The following TSBP1 variants were observed in gnomAD, a reference collection of about 807,000 sequenced individuals.
TSBP1 encodes the protein testis-expressed basic protein 1.
TSBP1 carries 56 observed loss-of-function variants against 68.8 expected under a neutral mutation model. The ratio of observed to expected loss-of-function variants is 0.81; its 90% CI spans 0.66 to 1.02. The LOEUF is 1.02. TSBP1 is among the 50% of genes least tolerant of loss of function. The pLI is 0.00. For synonymous variants in TSBP1, 171 were observed against 208.7 expected (o/e 0.82, Z 1.56); for missense variants, 502 against 641.2 (o/e 0.78, Z 2.34).
Position 32,306,552 on chromosome 6 carries a change from C to G in TSBP1, c.581-3923G>C, listed in dbSNP as rs1765799362. On this transcript the variant is annotated intron_variant, in intron 19 of 22. Transcript: ENST00000612031. This position sits in a 1 kb window ranked among gnomAD's most constrained non-coding sequence, Gnocchi z 5.1. ...GCTTTTCAGCTGCAAGCAGCCAAAC[C>G]TGGGTTTGGTTACTTACATTTATGT... is the stretch of plus-strand genomic sequence containing the variant. Among the ~76,000 whole-genome samples the G allele has an allele frequency of 6.6e-6, 1 of 152,190 alleles. No individual in the cohort carries two copies. The highest frequency in any genetic ancestry group is 1.5e-5 in the Non-Finnish European group (1 of 68,036).
rs779544693 is a variant in TSBP1 at position 32,323,108 on chromosome 6, T to C, written c.559+9A>G. ...AGAACCAAAGAAGAAAAAGAGATGT[T>C]ATACTTACTTATGGGTGCCATGGGT... On this transcript the variant is annotated intron_variant, in intron 18 of 22. Transcript: ENST00000612031. 1.9e-6 allele frequency: 3 copies of C among 1,571,246 alleles called. No homozygotes were observed. The highest frequency in any genetic ancestry group is 1.1e-5 in the South Asian group (1 of 88,728).
In TSBP1 at chr6:32,302,099, G is replaced by A. The variant is rs1765362183; in HGVS notation, c.601+510C>T. ...ATTCTTTTATATATTGTCTATGACT[G>A]TTTTTGTGCTACAACAGCAGGGTTG... On this transcript the variant is annotated intron_variant, in intron 20 of 22. Transcript: ENST00000612031. This position sits in a 1 kb window ranked among gnomAD's most constrained non-coding sequence, Gnocchi z 5.1. Among the ~76,000 whole-genome samples the A allele has an allele frequency of 2.0e-5, 3 of 151,926 alleles. No homozygotes were observed. The highest frequency in any genetic ancestry group is 4.4e-5 in the Non-Finnish European group (3 of 67,978).
chr6:32,297,929 A>G (rs1041821480), intron 22 of TSBP1, among the ~76,000 whole-genome samples: 2 of 152,130 alleles, frequency 1.3e-5, no homozygotes, highest in Admixed American at 6.5e-5. Context: ...ATCAATTGGG[A>G]AAAATGTGTT....
chr6:32,330,711 C>T, intron 15 of TSBP1, 102 bp from the exon 17 acceptor site: 1 of 1,375,370 alleles, frequency 7.3e-7, no homozygotes. Flanking sequence ...CACTCTGTCG[C>T]CCAGGCTGGA....
chr6:32,336,728 C>T lies in TSBP1; in HGVS notation c.410-93G>A. The T allele has an allele frequency of 8.5e-7, 1 of 1,182,798 alleles. No individual in the cohort carries two copies. Among genetic ancestry groups the T allele is most frequent in the South Asian group, 1.3e-5 (1 of 78,054 alleles). 73.3% of individuals were successfully genotyped at this position (1,182,798 alleles called of 1,614,324 possible). On this transcript the variant is annotated intron_variant, in intron 11 of 22. Transcript: ENST00000612031. This position sits in a 1 kb window ranked among gnomAD's most constrained non-coding sequence, Gnocchi z 5.2. ...CTAAAGAAACTATGAAGCAATTCAA[C>T]CAGAGGAGAACAACTACTGTGGGAC...
Position 32,315,650 on chromosome 6 carries a change from C to G in TSBP1, c.580+122G>C, listed in dbSNP as rs1028706507. 3 of 611,828 alleles carry G rather than the reference C, an allele frequency of 4.9e-6. No individual in the cohort carries two copies. The African/African-American group carries it at 5.6e-5, about 11-fold the overall frequency. 37.9% of individuals were successfully genotyped at this position (611,828 alleles called of 1,614,324 possible). ...TGTCTTGCAGTCCTAATCTGGAGGA[C>G]TTTGGGTAATGTAGAAGCAAATGAA... On this transcript the variant is annotated intron_variant, in intron 19 of 22. Transcript: ENST00000612031. This position sits in a 1 kb window ranked among gnomAD's most constrained non-coding sequence, Gnocchi z 5.4.
intron 9 of TSBP1, among the ~76,000 whole-genome samples, chr6:32,344,614 AAAG>A (rs1325643900): frequency 1.3e-5 from 2 of 152,038 alleles, no homozygotes; most frequent in Admixed American, 1.3e-4. Context: ...CCCCCTTTGA[AAAG>A]AAGATCAGAA....
rs780627745 is a variant in TSBP1, at chr6:32,293,406, CT to C, written c.1266del (p.Gly423AspfsTer6). ...GTCTTCTCTACTTGGCCTTCTTGTC[CT>C]TTTGGTACCTTCAACTCACTCTTCT... is the stretch of plus-strand genomic sequence containing the variant. On this transcript the variant is annotated frameshift_variant, in exon 23 of 23. Coordinates refer to ENST00000612031, the Ensembl canonical transcript of TSBP1. LOFTEE classifies it low-confidence loss of function (END_TRUNC). The C allele has an allele frequency of 6.2e-7, 1 of 1,612,528 alleles. No individual in the cohort carries two copies. Among genetic ancestry groups the C allele is most frequent in the East Asian group, 2.2e-5 (1 of 44,860 alleles).
intron 17 of TSBP1, 198 bp from the exon 19 acceptor site, chr6:32,323,335 T>C: frequency 1.5e-6 from 1 of 673,424 alleles, no homozygotes; most frequent in Non-Finnish European, 2.7e-6. Flanking sequence ...ATTCTAAGGA[T>C]TAAATGAGGT....
intron 22 of TSBP1, 141 bp from the exon 26 acceptor site, chr6:32,294,176 A>G (rs1262461942): frequency 2.3e-6 from 2 of 881,974 alleles, no homozygotes; most frequent in Non-Finnish European, 3.6e-6. Context: ...ATCTAAAATG[A>G]TGGTTCTCTG....
chr6:32,332,388 A>G lies in TSBP1; in HGVS notation c.473-334T>C, dbSNP rs568646778. ...TGAAACACTTCCTGTCAGTAAGAGT[A>G]GAAGATATTTCTTTCTCAAGGGACT... On this transcript the variant is annotated intron_variant, in intron 14 of 22. Coordinates refer to ENST00000612031, the Ensembl canonical transcript of TSBP1. Among the ~76,000 whole-genome samples, 76 of 152,254 alleles carry G rather than the reference A, an allele frequency of 5.0e-4. No homozygotes were observed. In the South Asian group the frequency reaches 0.014, roughly 28 times the overall value.
chr6:32,323,592 G>A (rs370536333), exon 17 of TSBP1: 20 of 1,611,908 alleles, frequency 1.2e-5, no homozygotes, highest in African/African-American at 1.1e-4. Context: ...TGAACTTACC[G>A]CGGGGTGCTG....
At chr6:32,347,090 C>T (rs1010753974) in intron 9 of TSBP1, among the ~76,000 whole-genome samples, 4 of 151,920 alleles carry the variant, frequency 2.6e-5, no homozygotes, top group Non-Finnish European at 5.9e-5. Context: ...ATGTTGTATA[C>T]CATAAATATA....
exon 1 of TSBP1, chr6:32,371,803 A>G (rs1330469738): frequency 6.9e-7 from 1 of 1,440,580 alleles, no homozygotes; most frequent in Non-Finnish European, 9.7e-7. Flanking sequence ...ACTGTTTCTG[A>G]GCAATATGAA....
In TSBP1 at chr6:32,336,174, T is replaced by C. The variant is rs1769646598; in HGVS notation, c.431-242A>G. Among the ~76,000 whole-genome samples the C allele has an allele frequency of 6.6e-6, 1 of 152,208 alleles. No individual in the cohort carries two copies. Among genetic ancestry groups the C allele is most frequent in the South Asian group, 2.1e-4 (1 of 4,822 alleles). On this transcript the variant is annotated intron_variant, in intron 12 of 22. Coordinates refer to ENST00000612031, the Ensembl canonical transcript of TSBP1. This position sits in a 1 kb window ranked among gnomAD's most constrained non-coding sequence, Gnocchi z 5.2. ...AAATCTTCAGAGGGTTGGGAAAGAC[T>C]CACTCCATATTAATCTGTTATGCCT...
At chr6:32,366,747 T>C (rs1284273840) in intron 4 of TSBP1, among the ~76,000 whole-genome samples, 2 of 110,962 alleles carry the variant, frequency 1.8e-5, no homozygotes, top group Non-Finnish European at 3.3e-5. Context: ...TGGGCGACAG[T>C]GCGAGACTCC....
intron 16 of TSBP1, among the ~76,000 whole-genome samples, chr6:32,327,779 G>T (rs1225045836): frequency 6.8e-6 from 1 of 146,244 alleles, no homozygotes; most frequent in Admixed American, 7.0e-5. Context: ...CTGCCACGAA[G>T]TCTGGCTCAT....
intron 9 of TSBP1, among the ~76,000 whole-genome samples, chr6:32,348,122 A>G (rs1771274465): frequency 6.6e-6 from 1 of 152,190 alleles, no homozygotes; most frequent in African/African-American, 2.4e-5. Flanking sequence ...TCTGTGAAAT[A>G]CTTATGTTGT....
chr6:32,334,687 G>C lies in TSBP1; in HGVS notation c.472+750C>G, dbSNP rs563081657. 5.3e-5 allele frequency among the ~76,000 whole-genome samples: 8 copies of C among 152,320 alleles called. 1 individual carries two copies. Among genetic ancestry groups the C allele is most frequent in the African/African-American group, 1.9e-4 (8 of 41,568 alleles). ...AAAGAATGTGACTAGGTTGCTAAAA[G>C]TTGCTGAAAATAGAGCCTAACTCTT... On this transcript the variant is annotated intron_variant, in intron 14 of 22. Coordinates refer to ENST00000612031, the Ensembl canonical transcript of TSBP1.
Sources: gnomAD v4.1 joint callset for allele counts (sites outside exome capture counted in the v4.1 genomes callset) on GRCh38, gnomAD v4.1.1 for gene constraint, Gnocchi (gnomAD v3.1) non-coding constraint, MANE v1.5 for transcripts, NCBI Gene and HGNC (gene_info 2026-07-23, HGNC 2026-07-21) for gene names.